The following RNF220 variants were observed in gnomAD, a reference collection of about 807,000 sequenced individuals.
RNF220 encodes the protein ring finger protein 220.
In RNF220, 7 loss-of-function variants were observed where a neutral mutation model predicts 67.1. The ratio of observed to expected loss-of-function variants is 0.10; its 90% CI spans 0.06 to 0.20. RNF220 has a LOEUF of 0.20. RNF220 is among the 10% of genes least tolerant of loss of function. The pLI, the probability that RNF220 is intolerant of heterozygous loss-of-function variation, is 1.00. For synonymous variants in RNF220, 270 were observed against 283.2 expected (o/e 0.95, Z 0.47); for missense variants, 565 against 740.3 (o/e 0.76, Z 2.75).
intron 2 of RNF220, among the ~76,000 whole-genome samples, chr1:44,536,966 C>T (rs972695365): frequency 1.3e-5 from 2 of 151,044 alleles, no homozygotes; most frequent in African/African-American, 2.4e-5. Flanking sequence ...ATGCCTCCCC[C>T]ACCCTCCCTC....
chr1:44,481,957 G>C (rs980587717), intron 2 of RNF220, among the ~76,000 whole-genome samples: 2 of 152,184 alleles, frequency 1.3e-5, no homozygotes, highest in African/African-American at 4.8e-5. Flanking sequence ...AGAACAAGGA[G>C]CAGATGAAGT....
chr1:44,473,343 G>T lies in RNF220; in HGVS notation c.625+60621G>T, dbSNP rs115186125. On this transcript the variant is annotated intron_variant, in intron 2 of 14. Coordinates refer to ENST00000361799, the MANE Select transcript of RNF220 (RefSeq NM_018150.4). ...ATTCTTATGACATATGGGACTGCCT[G>T]GTTTGTTTTGGTTTCAGTGGAGTTT... 2.4e-3 allele frequency among the ~76,000 whole-genome samples: 370 copies of T among 152,116 alleles called. 1 individual carries two copies. Among genetic ancestry groups the T allele is most frequent in the Non-Finnish European group, 3.2e-3 (221 of 68,002 alleles).
chr1:44,438,298 T>A (rs77594837), intron 2 of RNF220, among the ~76,000 whole-genome samples: 11,406 of 151,964 alleles, frequency 0.075, 485 homozygotes, highest in East Asian at 0.19. Context: ...TTAAAAAAAT[T>A]TTTTTGTAGA....
chr1:44,583,291 G>A (rs1317189616), intron 2 of RNF220, among the ~76,000 whole-genome samples: 1 of 152,056 alleles, frequency 6.6e-6, no homozygotes, highest in African/African-American at 2.4e-5. Context: ...AATCTCTGCA[G>A]GTTCTATTCT....
At chr1:44,566,665 T>C (rs1274456329) in intron 2 of RNF220, among the ~76,000 whole-genome samples, 1 of 128,672 alleles carries the variant, frequency 7.8e-6, no homozygotes, top group African/African-American at 2.5e-5. Flanking sequence ...TAGGGCCAGC[T>C]GTTAGACAGT....
intron 2 of RNF220, among the ~76,000 whole-genome samples, chr1:44,607,136 A>C (rs1667323205): frequency 6.6e-6 from 1 of 152,176 alleles, no homozygotes; most frequent in Admixed American, 6.5e-5. Flanking sequence ...GTCATGCTAG[A>C]GCAAGCCGCC....
intron 2 of RNF220, among the ~76,000 whole-genome samples, chr1:44,552,036 A>G (rs1409689697): frequency 1.3e-5 from 2 of 152,212 alleles, no homozygotes; most frequent in African/African-American, 2.4e-5. Flanking sequence ...TGCCTGGTAT[A>G]TGCCACCAAA....
intron 5 of RNF220, among the ~76,000 whole-genome samples, chr1:44,630,953 T>C (rs377240794): frequency 6.6e-6 from 1 of 152,126 alleles, no homozygotes; most frequent in Non-Finnish European, 1.5e-5. Flanking sequence ...TTGTGTGTAG[T>C]GTGGAGGATG....
intron 2 of RNF220, among the ~76,000 whole-genome samples, chr1:44,429,440 A>G (rs1005562825): frequency 2.6e-5 from 4 of 152,188 alleles, no homozygotes; most frequent in African/African-American, 9.6e-5. Flanking sequence ...AGAGCAGAGG[A>G]AGTGTCTCTT....
At chr1:44,518,894 A>C (rs1036271460) in intron 2 of RNF220, among the ~76,000 whole-genome samples, 8 of 151,966 alleles carry the variant, frequency 5.3e-5, no homozygotes, top group South Asian at 2.1e-4. Flanking sequence ...AAAAACAAAA[A>C]AAAAAAAACT....
At chr1:44,508,473 A>G (rs926711227) in intron 2 of RNF220, among the ~76,000 whole-genome samples, 9 of 152,140 alleles carry the variant, frequency 5.9e-5, no homozygotes, top group African/African-American at 2.2e-4. Flanking sequence ...GAACGCCTGC[A>G]TCTTAGTTTC....
chr1:44,576,269 C>A (rs1426151037), intron 2 of RNF220, among the ~76,000 whole-genome samples: 1 of 151,976 alleles, frequency 6.6e-6, no homozygotes, highest in Non-Finnish European at 1.5e-5. Flanking sequence ...ACCTTAGCTA[C>A]CAGGGAGAAT....
Position 44,405,403 on chromosome 1 carries a change from C to T in RNF220, c.-245C>T, listed in dbSNP as rs1411166179. 3.0e-5 allele frequency: 16 copies of T among 541,232 alleles called. No homozygotes were observed. Among genetic ancestry groups the T allele is most frequent in the Middle Eastern group, 3.8e-4 (1 of 2,654 alleles). 33.5% of individuals were successfully genotyped at this position (541,232 alleles called of 1,614,324 possible). ...CTGCTGCTGCTGCTGCTGCCGCTGC[C>T]GCCGCCGCCGCCGCCGCTGCCTCCG... On this transcript the variant is annotated 5_prime_UTR_variant, in exon 1 of 15. Transcript: ENST00000361799.
chr1:44,507,845 A>C (rs1658577607), intron 2 of RNF220, among the ~76,000 whole-genome samples: 2 of 151,966 alleles, frequency 1.3e-5, no homozygotes, highest in Non-Finnish European at 2.9e-5. Context: ...AGGGCTCAGA[A>C]TGCTCTTTTG....
intron 2 of RNF220, among the ~76,000 whole-genome samples, chr1:44,568,987 G>A (rs904529782): frequency 1.3e-5 from 2 of 152,162 alleles, no homozygotes; most frequent in Non-Finnish European, 2.9e-5. Flanking sequence ...AAGCAGAAAA[G>A]TTTGGCTTCA....
intron 2 of RNF220, among the ~76,000 whole-genome samples, chr1:44,472,147 T>C (rs1162417357): frequency 6.6e-6 from 1 of 152,218 alleles, no homozygotes; most frequent in Non-Finnish European, 1.5e-5. Context: ...GTTTCCACCT[T>C]TTGGCTATTA....
intron 2 of RNF220, among the ~76,000 whole-genome samples, chr1:44,584,991 G>C (rs1383500056): frequency 2.0e-5 from 3 of 152,178 alleles, no homozygotes; most frequent in African/African-American, 7.2e-5. Context: ...GAGCCACCAC[G>C]CCCAGCCCAG....
intron 2 of RNF220, among the ~76,000 whole-genome samples, chr1:44,534,035 G>A (rs1661023323): frequency 6.6e-6 from 1 of 152,182 alleles, no homozygotes; most frequent in South Asian, 2.1e-4. Flanking sequence ...GAGTGCAGTG[G>A]CACAATCTCA....
chr1:44,556,225 G>A (rs1215681194), intron 2 of RNF220, among the ~76,000 whole-genome samples: 1 of 150,214 alleles, frequency 6.7e-6, no homozygotes, highest in Non-Finnish European at 1.5e-5. Flanking sequence ...AGTAGAGACA[G>A]GTTTCACCAA....
Sources: gnomAD v4.1 joint callset for allele counts (sites outside exome capture counted in the v4.1 genomes callset) on GRCh38, gnomAD v4.1.1 for gene constraint, MANE v1.5 for transcripts, NCBI Gene and HGNC (gene_info 2026-07-23, HGNC 2026-07-21) for gene names.